MDGA2: variants seen among roughly 807,000 people sequenced by gnomAD.
MDGA2 encodes the protein MAM domain-containing glycosylphosphatidylinositol anchor protein 2.
MDGA2 carries 40 observed loss-of-function variants against 117.8 expected under a neutral mutation model. That is an observed-to-expected ratio of 0.34 (90% CI 0.26 to 0.44). MDGA2 has a LOEUF of 0.44. Among genes scored for constraint, MDGA2 ranks in the 20% least tolerant of loss-of-function variants. The pLI, the probability that MDGA2 is intolerant of heterozygous loss-of-function variation, is 1.00. For missense variants in MDGA2, 1,123 were observed against 1,250.6 expected (o/e 0.90, Z 1.54); for synonymous variants, 452 against 439.0 (o/e 1.03, Z -0.37).
chr14:47,665,608 C>T (rs931667797), intron 1 of MDGA2, among the ~76,000 whole-genome samples: 2 of 152,166 alleles, frequency 1.3e-5, no homozygotes, highest in South Asian at 2.1e-4. Flanking sequence ...GTGGGCTTGG[C>T]GGCCCTGCAC....
intron 5 of MDGA2, among the ~76,000 whole-genome samples, chr14:47,123,758 T>C (rs1351414297): frequency 6.6e-6 from 1 of 152,056 alleles, no homozygotes; most frequent in Non-Finnish European, 1.5e-5. Flanking sequence ...CATGAACTTA[T>C]TTCAAGATTA....
At chr14:47,165,453 T>G (rs980928193) in intron 3 of MDGA2, among the ~76,000 whole-genome samples, 3 of 151,936 alleles carry the variant, frequency 2.0e-5, no homozygotes, top group Non-Finnish European at 4.4e-5. Context: ...TTTATCTGCT[T>G]TGTTCTTTGA....
At chr14:46,929,937 A>T (rs1221472652) in intron 9 of MDGA2, among the ~76,000 whole-genome samples, 1 of 151,424 alleles carries the variant, frequency 6.6e-6, no homozygotes, top group Non-Finnish European at 1.5e-5. Context: ...CGCCCGGCCC[A>T]TGATTATATA....
intron 1 of MDGA2, among the ~76,000 whole-genome samples, chr14:47,637,913 C>G (rs61995226): frequency 6.6e-6 from 1 of 152,198 alleles, no homozygotes; most frequent in Non-Finnish European, 1.5e-5. Flanking sequence ...AATGTCTACG[C>G]TGTTACCCAA....
chr14:47,166,352 C>A (rs1304029196), intron 3 of MDGA2, among the ~76,000 whole-genome samples: 1 of 152,032 alleles, frequency 6.6e-6, no homozygotes, highest in Non-Finnish European at 1.5e-5. Flanking sequence ...CTATTTTAAC[C>A]TTTAATTCAT....
intron 14 of MDGA2, among the ~76,000 whole-genome samples, chr14:46,856,441 T>C (rs1186240091): frequency 1.3e-5 from 2 of 152,218 alleles, no homozygotes; most frequent in Non-Finnish European, 2.9e-5. Flanking sequence ...TTTCTCACTT[T>C]CCTCTGTAGT....
At chr14:46,991,627 A>G (rs1027383625) in intron 8 of MDGA2, among the ~76,000 whole-genome samples, 1 of 152,134 alleles carries the variant, frequency 6.6e-6, no homozygotes, top group Non-Finnish European at 1.5e-5. Flanking sequence ...TTCCCAACTT[A>G]CAACAATAGT....
intron 1 of MDGA2, among the ~76,000 whole-genome samples, chr14:47,538,278 TA>T (rs1895264713): frequency 6.6e-6 from 1 of 152,226 alleles, no homozygotes; most frequent in African/African-American, 2.4e-5. Context: ...TATGACTAAA[TA>T]ATTGACATGA....
intron 10 of MDGA2, among the ~76,000 whole-genome samples, chr14:46,910,989 A>G (rs1379404390): frequency 1.3e-5 from 2 of 152,224 alleles, no homozygotes; most frequent in East Asian, 3.9e-4. Flanking sequence ...ACTGGGGCCT[A>G]TTGAAGGGGT....
chr14:47,212,299 C>T (rs1481282159), intron 3 of MDGA2, among the ~76,000 whole-genome samples: 11 of 152,026 alleles, frequency 7.2e-5, no homozygotes, highest in Admixed American at 7.2e-4. Context: ...TGAGTATAAA[C>T]CTAGTTTTAA....
chr14:46,900,722 A>G (rs1883251767), intron 10 of MDGA2, among the ~76,000 whole-genome samples: 1 of 152,156 alleles, frequency 6.6e-6, no homozygotes, highest in Non-Finnish European at 1.5e-5. Flanking sequence ...GAGTAACATC[A>G]GGGAGTCTAC....
intron 1 of MDGA2, among the ~76,000 whole-genome samples, chr14:47,399,541 C>T (rs1235116939): frequency 6.6e-6 from 1 of 152,142 alleles, no homozygotes; most frequent in Non-Finnish European, 1.5e-5. Context: ...TTTAATATGA[C>T]TGAATTAGAT....
intron 3 of MDGA2, among the ~76,000 whole-genome samples, chr14:47,162,353 C>A (rs1883678769): frequency 6.6e-6 from 1 of 152,050 alleles, no homozygotes; most frequent in African/African-American, 2.4e-5. Flanking sequence ...GATTCCTGTA[C>A]AACAATATTT....
At position 47,000,067 on chromosome 14, in the gene MDGA2, T is replaced by A. The variant is rs1311541757; in HGVS notation, c.1819+34944A>T. 2.0e-5 allele frequency among the ~76,000 whole-genome samples: 3 copies of A among 151,168 alleles called. No individual in the cohort carries two copies. In the East Asian group the frequency reaches 5.8e-4, roughly 29 times the overall value. On this transcript the variant is annotated intron_variant, in intron 8 of 16. Coordinates refer to ENST00000399232, the MANE Select transcript of MDGA2 (RefSeq NM_001113498.3). ...CTTTACAACTTTTAGTTATCTTGCC[T>A]AAAAAAAACTGCAATTATATGTATA... is the stretch of plus-strand genomic sequence containing the variant.
chr14:47,013,772 G>GTGTATATATATATATATATA (rs1555343310), intron 8 of MDGA2, among the ~76,000 whole-genome samples: 3 of 93,702 alleles, frequency 3.2e-5, no homozygotes, highest in East Asian at 5.5e-4. Flanking sequence ...TAATTTCCTT[G>GTGTATATATATATATATATA]TATATATATA....
chr14:46,866,727 C>A (rs1156394133), intron 14 of MDGA2, among the ~76,000 whole-genome samples: 1 of 151,428 alleles, frequency 6.6e-6, no homozygotes, highest in African/African-American at 2.4e-5. Flanking sequence ...AGAAAGTGGG[C>A]GAAGGACATG....
intron 8 of MDGA2, among the ~76,000 whole-genome samples, chr14:46,993,703 C>T (rs987097347): frequency 2.0e-5 from 3 of 152,100 alleles, no homozygotes; most frequent in African/African-American, 7.2e-5. Context: ...TCAACCGATC[C>T]GCCAATCTCG....
At chr14:47,522,978 A>T (rs1894900608) in intron 1 of MDGA2, among the ~76,000 whole-genome samples, 1 of 152,222 alleles carries the variant, frequency 6.6e-6, no homozygotes, top group African/African-American at 2.4e-5. Context: ...ACGTTATTCA[A>T]TCACAAAATA....
At chr14:47,197,827 T>C (rs1030203135) in intron 3 of MDGA2, among the ~76,000 whole-genome samples, 2 of 152,044 alleles carry the variant, frequency 1.3e-5, no homozygotes, top group African/African-American at 4.8e-5. Flanking sequence ...GAGAATCATG[T>C]GAACCTGGGA....
Sources: allele counts gnomAD v4.1 joint callset (sites outside exome capture counted in the v4.1 genomes callset), GRCh38; gene constraint gnomAD v4.1.1; transcripts MANE v1.5; gene names NCBI Gene and HGNC (gene_info 2026-07-23, HGNC 2026-07-21).